Variants in MARCHF4 observed in about 807,000 individuals in gnomAD.
MARCHF4 encodes E3 ubiquitin-protein ligase MARCHF4.
MARCHF4 carries 14 observed loss-of-function variants against 43.9 expected under a neutral mutation model. The ratio of observed to expected loss-of-function variants is 0.32; its 90% CI spans 0.21 to 0.50. MARCHF4 has a LOEUF of 0.50. MARCHF4 is among the 20% of genes least tolerant of loss of function. The pLI is 0.98. For missense variants in MARCHF4, 468 were observed against 536.7 expected (o/e 0.87, Z 1.27); for synonymous variants, 226 against 213.3 (o/e 1.06, Z -0.52).
intron 2 of MARCHF4, among the ~76,000 whole-genome samples, chr2:216,280,364 C>T (rs207813): frequency 0.48 from 73,308 of 151,600 alleles, 19,985 homozygotes; most frequent in African/African-American, 0.74. Flanking sequence ...ATGCTGTGTG[C>T]CTTAGAACAG....
At chr2:216,282,091 G>A (rs760418570) in intron 2 of MARCHF4, among the ~76,000 whole-genome samples, 10 of 152,166 alleles carry the variant, frequency 6.6e-5, no homozygotes, top group Non-Finnish European at 8.8e-5. Flanking sequence ...CCCAGAGGAC[G>A]TGGAGTCAGC....
intron 1 of MARCHF4, among the ~76,000 whole-genome samples, chr2:216,321,020 G>A (rs1343653940): frequency 6.6e-6 from 1 of 151,756 alleles, no homozygotes; most frequent in Non-Finnish European, 1.5e-5. Context: ...TTTCTCTGAA[G>A]TTGAGTAAGA....
At chr2:216,306,881 C>T (rs192630797) in intron 1 of MARCHF4, among the ~76,000 whole-genome samples, 16 of 152,176 alleles carry the variant, frequency 1.1e-4, no homozygotes, top group Admixed American at 1.0e-3. Context: ...CAGTGTCTCT[C>T]AATTCATTCA....
intron 1 of MARCHF4, among the ~76,000 whole-genome samples, chr2:216,323,175 C>A (rs1691932316): frequency 6.6e-6 from 1 of 152,120 alleles, no homozygotes; most frequent in African/African-American, 2.4e-5. Context: ...ATTCTCTCAA[C>A]CTCCTTAAGC....
chr2:216,325,695 A>C (rs899172142), intron 1 of MARCHF4, among the ~76,000 whole-genome samples: 16 of 151,604 alleles, frequency 1.1e-4, no homozygotes, highest in African/African-American at 3.9e-4. Context: ...ACCTGAGAAA[A>C]ACAAGCAATG....
At chr2:216,325,485 CA>C in intron 1 of MARCHF4, among the ~76,000 whole-genome samples, 1 of 152,048 alleles carries the variant, frequency 6.6e-6, no homozygotes, top group East Asian at 1.9e-4. Context: ...CATATGGAAC[CA>C]AAAAAGAGCC....
intron 1 of MARCHF4, among the ~76,000 whole-genome samples, chr2:216,331,263 T>C (rs1392220671): frequency 1.3e-5 from 2 of 151,886 alleles, no homozygotes; most frequent in African/African-American, 4.8e-5. Flanking sequence ...TTTAGGTAAA[T>C]GGAAAACTTT....
chr2:216,332,390 T>TAA (rs572537646), intron 1 of MARCHF4, among the ~76,000 whole-genome samples: 1 of 94,546 alleles, frequency 1.1e-5, no homozygotes, highest in Non-Finnish European at 2.2e-5. Context: ...AGACTCTGTC[T>TAA]AAAAAAAAAA....
rs1574455505 is a variant in MARCHF4 at position 216,258,574 on chromosome 2, A to G, written c.*738T>C. 6.6e-6 allele frequency: 1 copy of G among 152,158 alleles called. No homozygotes were observed. The highest frequency in any genetic ancestry group is 1.9e-4 in the East Asian group (1 of 5,158). 9.4% of individuals were successfully genotyped at this position (152,158 alleles called of 1,614,324 possible). ...GTAAACATCTTTGAACCAAATCACT[A>G]TAAAATAAATTAACAAGGGCACAGA... On this transcript the variant is annotated 3_prime_UTR_variant, in exon 4 of 4. Coordinates refer to ENST00000273067, the MANE Select transcript of MARCHF4 (RefSeq NM_020814.3).
At chr2:216,368,244 A>G (rs889733280) in intron 1 of MARCHF4, among the ~76,000 whole-genome samples, 1 of 152,228 alleles carries the variant, frequency 6.6e-6, no homozygotes, top group Non-Finnish European at 1.5e-5. Flanking sequence ...CTGATATCAA[A>G]GTGAGGCACC....
rs535431015 is a variant in MARCHF4 at position 216,370,683 on chromosome 2, C to T, written c.-423G>A. 1.1e-4 allele frequency: 18 copies of T among 160,306 alleles called. No individual in the cohort carries two copies. In the East Asian group the frequency reaches 3.3e-3, roughly 29 times the overall value. The allele number at this position is 160,306 out of a possible 1,614,324, so 9.9% of individuals were successfully genotyped here. A position where few individuals can be genotyped will look rare whatever the true frequency, so the allele number is the denominator to read the frequency against. On this transcript the variant is annotated 5_prime_UTR_variant, in exon 1 of 4. Coordinates refer to ENST00000273067, the MANE Select transcript of MARCHF4 (RefSeq NM_020814.3). ...CAGGAAAGGATTATTGGGTTCTTCT[C>T]AAATTCCTACGCAGTGAGAAATCTT...
intron 1 of MARCHF4, among the ~76,000 whole-genome samples, chr2:216,348,859 G>T (rs1203455009): frequency 1.3e-5 from 2 of 152,098 alleles, no homozygotes; most frequent in African/African-American, 2.4e-5. Context: ...ACACACTAAA[G>T]ACTCCATTCA....
intron 1 of MARCHF4, among the ~76,000 whole-genome samples, chr2:216,321,166 C>G (rs1439514716): frequency 3.9e-5 from 6 of 152,008 alleles, no homozygotes; most frequent in Admixed American, 6.6e-5. Context: ...ACTCTTCAGT[C>G]AAGACTCCAG....
intron 3 of MARCHF4, among the ~76,000 whole-genome samples, chr2:216,270,772 C>T (rs1390991828): frequency 6.6e-6 from 1 of 152,076 alleles, no homozygotes; most frequent in Non-Finnish European, 1.5e-5. Flanking sequence ...GCCCATTCCC[C>T]ACTCAAGCCA....
Position 216,277,727 on chromosome 2 carries a change from G to A in MARCHF4, c.810C>T (p.Asp270=). ...TCCCGTAGCAGATCTGGAAGAGAAG[G>A]TCTTGGCGCTGCCATCTTGCCGAGG... ...FSPSARWQRQ[D]LLFQICYGMY... Residue 270 remains aspartate (D), a synonymous_variant, in exon 3 of 4, where the codon GAC becomes GAT. Transcript: ENST00000273067. 1 of 1,614,164 alleles carries A rather than the reference G, an allele frequency of 6.2e-7. No individual in the cohort carries two copies. The highest frequency in any genetic ancestry group is 8.5e-7 in the Non-Finnish European group (1 of 1,179,994).
chr2:216,307,165 G>A (rs938305687), intron 1 of MARCHF4, among the ~76,000 whole-genome samples: 5 of 152,122 alleles, frequency 3.3e-5, no homozygotes, highest in African/African-American at 7.2e-5. Context: ...CACGTTAGAT[G>A]GGCCCTCTCA....
intron 1 of MARCHF4, among the ~76,000 whole-genome samples, chr2:216,325,003 T>C (rs566823732): frequency 4.6e-5 from 7 of 151,908 alleles, no homozygotes; most frequent in African/African-American, 1.7e-4. Context: ...GGTATTCAAT[T>C]AGGAGAAGAG....
At chr2:216,358,497 G>A (rs1308447026) in intron 1 of MARCHF4, among the ~76,000 whole-genome samples, 1 of 152,186 alleles carries the variant, frequency 6.6e-6, no homozygotes, top group Non-Finnish European at 1.5e-5. Flanking sequence ...TGTGACTGGG[G>A]CATGATAAGG....
intron 1 of MARCHF4, among the ~76,000 whole-genome samples, chr2:216,345,254 C>T (rs1306825487): frequency 6.6e-6 from 1 of 152,022 alleles, no homozygotes; most frequent in Non-Finnish European, 1.5e-5. Context: ...ACGGCCCCTT[C>T]TTCTCCCCAA....
Sources: gnomAD v4.1 joint callset for allele counts (sites outside exome capture counted in the v4.1 genomes callset) on GRCh38, gnomAD v4.1.1 for gene constraint, MANE v1.5 for transcripts, NCBI Gene and HGNC (gene_info 2026-07-23, HGNC 2026-07-21) for gene names.